Variants in ASGR2 observed in about 807,000 individuals in gnomAD.
ASGR2 encodes the protein C-type lectin domain family 4 member H2.
ASGR2 carries 34 observed loss-of-function variants against 32.3 expected under a neutral mutation model. The ratio of observed to expected loss-of-function variants is 1.05; its 90% CI spans 0.80 to 1.40. The LOEUF is 1.40. Ranked by LOEUF, ASGR2 falls within the 40% of genes most tolerant of loss-of-function variation. The probability of loss-of-function intolerance (pLI) is 0.00; values close to 1 mark genes in which losing one functional copy is unlikely to be tolerated. For synonymous variants in ASGR2, 143 were observed against 150.0 expected, an observed-to-expected ratio of 0.95 and a Z score of 0.34; for missense variants, 385 against 386.4, an observed-to-expected ratio of 1.00 and a Z score of 0.03.
intron 7 of ASGR2, among the ~76,000 whole-genome samples, chr17:7,105,289 G>C: frequency 6.6e-6 from 1 of 152,136 alleles, no homozygotes. Context: ...GAAAGGACTA[G>C]GGTTAAACAT....
rs1597382738 is a variant in ASGR2 at position 7,107,362 on chromosome 17, A to C, written c.410-45T>G. ...AGTGCTGCCGGCAGGTGTGGTCCCC[A>C]CCTGCTAGGCTCCAGCCTGTGGCTG... On this transcript the variant is annotated intron_variant, in intron 5 of 8. Transcript: ENST00000691900. This position sits in a 1 kb window ranked among gnomAD's most constrained non-coding sequence, Gnocchi z 5.0. 4 of 1,592,310 alleles carry C rather than the reference A, an allele frequency of 2.5e-6. No homozygotes were observed. The highest frequency in any genetic ancestry group is 2.6e-6 in the Non-Finnish European group (3 of 1,170,688).
At position 7,101,482 on chromosome 17, in the gene ASGR2, T is replaced by C; in HGVS notation, c.*93A>G. The stretch of plus-strand genomic sequence containing the variant: ...TTTGCTCAGCTCTTCCCCATACCCC[T>C]GTCTCAGTGTTTCTTCCTTTCCTCA... On this transcript the variant is annotated 3_prime_UTR_variant, in exon 9 of 9. Transcript: ENST00000691900. The C allele has an allele frequency of 6.6e-7, 1 of 1,514,876 alleles. No homozygotes were observed. Among genetic ancestry groups the C allele is most frequent in the Non-Finnish European group, 8.9e-7 (1 of 1,123,130 alleles). The allele number at this position is 1,514,876 out of a possible 1,614,324, so 93.8% of individuals were successfully genotyped here. A position where few individuals can be genotyped will look rare whatever the true frequency, so the allele number is the denominator to read the frequency against.
In ASGR2 at chr17:7,107,194, G is replaced by A. The variant is rs1913855877; in HGVS notation, c.496+37C>T. The A allele has an allele frequency of 5.0e-6, 8 of 1,614,068 alleles. No homozygotes were observed. The highest frequency in any genetic ancestry group is 6.8e-6 in the Non-Finnish European group (8 of 1,180,030). ...AGGGAGATGAGATCCAGCCGGAGGG[G>A]CAGGCACACTGGGCCTGGAGACGGC... On this transcript the variant is annotated intron_variant, in intron 6 of 8. Coordinates refer to ENST00000691900, the MANE Select transcript of ASGR2 (RefSeq NM_001201352.2). This position sits in a 1 kb window ranked among gnomAD's most constrained non-coding sequence, Gnocchi z 5.0.
chr17:7,112,288 C>T (rs932427191), intron 2 of ASGR2, among the ~76,000 whole-genome samples: 3 of 151,762 alleles, frequency 2.0e-5, no homozygotes, highest in South Asian at 2.1e-4. Flanking sequence ...AGATGGGCCC[C>T]GGTGAGCAGC....
At chr17:7,111,671 G>A (rs1168922918) in intron 2 of ASGR2, among the ~76,000 whole-genome samples, 5 of 147,112 alleles carry the variant, frequency 3.4e-5, no homozygotes, top group African/African-American at 1.3e-4. Context: ...AAAAAAAAAA[G>A]AAAAGAAAGA....
intron 7 of ASGR2, among the ~76,000 whole-genome samples, chr17:7,102,975 C>T (rs1913075846): frequency 6.6e-6 from 1 of 152,196 alleles, no homozygotes; most frequent in Admixed American, 6.5e-5. Flanking sequence ...ACCCACACTC[C>T]CAGCACGGTA....
Position 7,107,436 on chromosome 17 carries a change from A to T in ASGR2, c.410-119T>A. On this transcript the variant is annotated intron_variant, in intron 5 of 8. Coordinates refer to ENST00000691900, the MANE Select transcript of ASGR2 (RefSeq NM_001201352.2). The surrounding 1 kb of genome is among the most constrained non-coding windows in gnomAD (Gnocchi z 5.0). Reference sequence around the variant, plus strand: ...ACGTACACCATGCATAGACCACACCACACACCATACCACACACACACCACA... The same window carrying T: ...ACGTACACCATGCATAGACCACACCTCACACCATACCACACACACACCACA... 2.1e-6 allele frequency: 2 copies of T among 968,240 alleles called. No individual in the cohort carries two copies. The allele number at this position is 968,240 out of a possible 1,614,324, so 60.0% of individuals were successfully genotyped here. A position where few individuals can be genotyped will look rare whatever the true frequency, so the allele number is the denominator to read the frequency against.
At chr17:7,106,572 C>T (rs1479961354) in intron 7 of ASGR2, among the ~76,000 whole-genome samples, 1 of 152,092 alleles carries the variant, frequency 6.6e-6, no homozygotes, top group Non-Finnish European at 1.5e-5. Flanking sequence ...ATATTCTGGC[C>T]CCTGTATCAT....
rs752886104 is a variant in ASGR2 at position 7,101,535 on chromosome 17, G to A, written c.*40C>T. 2.5e-6 allele frequency: 4 copies of A among 1,595,058 alleles called. No homozygotes were observed. The Admixed American group carries it at 6.8e-5, about 27-fold the overall frequency. ...ATCCTCAACAGAGAAGCCAGAGCTG[G>A]GCAGGTGTGGGGTATGGGTTAGCCA... On this transcript the variant is annotated 3_prime_UTR_variant, in exon 9 of 9. Coordinates refer to ENST00000691900, the MANE Select transcript of ASGR2 (RefSeq NM_001201352.2).
intron 7 of ASGR2, among the ~76,000 whole-genome samples, chr17:7,102,795 C>T (rs945893596): frequency 1.2e-4 from 19 of 152,176 alleles, no homozygotes; most frequent in South Asian, 4.1e-4. Flanking sequence ...AGCTTCTAAG[C>T]TTGGACCCAC....
In ASGR2 at chr17:7,107,918, AAAGCCAGCTG is replaced by A; in HGVS notation, c.338-21_338-12del. 6.2e-7 allele frequency: 1 copy of A among 1,613,888 alleles called. No homozygotes were observed. Among genetic ancestry groups the A allele is most frequent in the Non-Finnish European group, 8.5e-7 (1 of 1,179,926 alleles). On this transcript the variant is annotated splice_polypyrimidine_tract_variant and intron_variant, in intron 4 of 8. Transcript: ENST00000691900. The surrounding 1 kb of genome is among the most constrained non-coding windows in gnomAD (Gnocchi z 5.0). Reference sequence around the variant, plus strand: ...CACCCACGCTGCCTCCTGGAAGCGGAAAGCCAGCTGTTTCCCCGCTGAGCCTCCCTCCGTC... The same window carrying A: ...CACCCACGCTGCCTCCTGGAAGCGGATTTCCCCGCTGAGCCTCCCTCCGTC...
At chr17:7,111,427 C>A (rs545113691) in intron 2 of ASGR2, among the ~76,000 whole-genome samples, 2 of 152,064 alleles carry the variant, frequency 1.3e-5, no homozygotes, top group Non-Finnish European at 2.9e-5. Flanking sequence ...GAGGCCAAGG[C>A]GGGCAGATCA....
rs71383461 is a variant in ASGR2, at chr17:7,104,348, TAAAAA to T, written c.649-2157_649-2153del. On this transcript the variant is annotated intron_variant, in intron 7 of 8. Coordinates refer to ENST00000691900, the MANE Select transcript of ASGR2 (RefSeq NM_001201352.2). ...GGTCAAAAAGAGCAAAACTCTGTCTTAAAAAAAAAAAAAAAAAAAAAAGCCAGGCG... is the reference window on the plus strand; with the variant it reads ...GGTCAAAAAGAGCAAAACTCTGTCTTAAAAAAAAAAAAAAAAAGCCAGGCG... Among the ~76,000 whole-genome samples the T allele has an allele frequency of 6.1e-3, 483 of 79,814 alleles. 7 individuals carry two copies. Among genetic ancestry groups the T allele is most frequent in the African/African-American group, 0.026 (467 of 18,042 alleles). The allele number at this position is 79,814 out of a possible 152,430, so 52.4% of individuals were successfully genotyped here.
intron 2 of ASGR2, among the ~76,000 whole-genome samples, chr17:7,112,332 C>T (rs1246297737): frequency 1.3e-5 from 2 of 151,948 alleles, no homozygotes; most frequent in Non-Finnish European, 1.5e-5. Context: ...GACGTTCCCC[C>T]AGCCCCCACC....
rs1567773767 is a variant in ASGR2 at position 7,113,546 on chromosome 17, CATACAT to C, written c.124+565_124+570del. On this transcript the variant is annotated intron_variant, in intron 2 of 8. Coordinates refer to ENST00000691900, the MANE Select transcript of ASGR2 (RefSeq NM_001201352.2). The surrounding 1 kb of genome is among the most constrained non-coding windows in gnomAD (Gnocchi z 5.1). ...ACAACATACACACACTCATACACAA[CATACAT>C]ACACACAACATACACACAACATACA... is the stretch of plus-strand genomic sequence containing the variant. Among the ~76,000 whole-genome samples, 2 of 100,454 alleles carry C rather than the reference CATACAT, an allele frequency of 2.0e-5. No individual in the cohort carries two copies. The highest frequency in any genetic ancestry group is 2.9e-4 in the South Asian group (1 of 3,414). The allele number at this position is 100,454 out of a possible 152,430, so 65.9% of individuals were successfully genotyped here. A position where few individuals can be genotyped will look rare whatever the true frequency, so the allele number is the denominator to read the frequency against.
Position 7,101,704 on chromosome 17 carries a change from C to T in ASGR2, c.792G>A (p.Gly264=). 1 of 1,614,188 alleles carries T rather than the reference C, an allele frequency of 6.2e-7. No homozygotes were observed. The highest frequency in any genetic ancestry group is 8.5e-7 in the Non-Finnish European group (1 of 1,180,042). Residue 264 remains glycine (G), a synonymous_variant, in exon 9 of 9, where the codon GGG becomes GGA. Transcript: ENST00000691900. ...WAVTQPDNWH[G]HELGGSEDCV... ...AGTCTTCACTTCCACCCAGCTCGTG[C>T]CCGTGCCAATTATCTGGCTGAGTGA... is the stretch of plus-strand genomic sequence containing the variant.
Position 7,113,710 on chromosome 17 carries a change from T to A in ASGR2, c.124+407A>T, listed in dbSNP as rs879790585. Among the ~76,000 whole-genome samples the A allele has an allele frequency of 0.022, 2,644 of 121,036 alleles. 32 individuals are homozygous for A. Among genetic ancestry groups the A allele is most frequent in the East Asian group, 0.034 (127 of 3,694 alleles). 79.4% of individuals were successfully genotyped at this position (121,036 alleles called of 152,430 possible). A position where few individuals can be genotyped will look rare whatever the true frequency, so the allele number is the denominator to read the frequency against. ...CACAACATACACACACAACACACTC[T>A]CACACACAACATACCCTCTCACATA... On this transcript the variant is annotated intron_variant, in intron 2 of 8. Transcript: ENST00000691900. The surrounding 1 kb of genome is among the most constrained non-coding windows in gnomAD (Gnocchi z 5.1).
At position 7,108,023 on chromosome 17, in the gene ASGR2, C is replaced by A; in HGVS notation, c.338-116G>T. 1.7e-6 allele frequency: 2 copies of A among 1,191,824 alleles called. No homozygotes were observed. Among genetic ancestry groups the A allele is most frequent in the South Asian group, 1.4e-5 (1 of 70,264 alleles). The allele number at this position is 1,191,824 out of a possible 1,614,324, so 73.8% of individuals were successfully genotyped here. A position where few individuals can be genotyped will look rare whatever the true frequency, so the allele number is the denominator to read the frequency against. ...ATGCAGGCGTCCACCTCCTGGCTTC[C>A]TGGACCACACCCAGGCTCCCTGCAC... On this transcript the variant is annotated intron_variant, in intron 4 of 8. Transcript: ENST00000691900. The surrounding 1 kb of genome is among the most constrained non-coding windows in gnomAD (Gnocchi z 4.9).
In ASGR2 at chr17:7,107,440, A is replaced by G. The variant is rs1913909548; in HGVS notation, c.410-123T>C. 1 of 904,170 alleles carries G rather than the reference A, an allele frequency of 1.1e-6. No individual in the cohort carries two copies. Among genetic ancestry groups the G allele is most frequent in the African/African-American group, 1.6e-5 (1 of 61,066 alleles). 56.0% of individuals were successfully genotyped at this position (904,170 alleles called of 1,614,324 possible). On this transcript the variant is annotated intron_variant, in intron 5 of 8. Coordinates refer to ENST00000691900, the MANE Select transcript of ASGR2 (RefSeq NM_001201352.2). This position sits in a 1 kb window ranked among gnomAD's most constrained non-coding sequence, Gnocchi z 5.0. Reference sequence around the variant, plus strand: ...ACACCATGCATAGACCACACCACACACCATACCACACACACACCACAGACA... The same window carrying G: ...ACACCATGCATAGACCACACCACACGCCATACCACACACACACCACAGACA...
Sources: allele counts gnomAD v4.1 joint callset (sites outside exome capture counted in the v4.1 genomes callset), GRCh38; gene constraint gnomAD v4.1.1; non-coding constraint Gnocchi (gnomAD v3.1); transcripts MANE v1.5; gene names NCBI Gene and HGNC (gene_info 2026-07-23, HGNC 2026-07-21).